Variants in MPHOSPH6 observed in about 807,000 individuals in gnomAD.
The protein encoded by MPHOSPH6 is M-phase phosphoprotein 6.
In MPHOSPH6, 25 loss-of-function variants were observed where a neutral mutation model predicts 21.8. The observed-to-expected ratio is 1.15, with a 90% confidence interval of 0.83 to 1.60. The LOEUF (loss-of-function observed/expected upper bound fraction) is 1.60, where lower values mean the gene tolerates loss of function less well. MPHOSPH6 is among the 40% of genes most tolerant of loss of function. The pLI, the probability that MPHOSPH6 is intolerant of heterozygous loss-of-function variation, is 0.00. For missense variants in MPHOSPH6, 269 were observed against 181.8 expected, an observed-to-expected ratio of 1.48 and a Z score of -2.76; for synonymous variants, 84 against 56.5, an observed-to-expected ratio of 1.49 and a Z score of -2.18.
chr16:82,148,546 A>C lies in MPHOSPH6; in HGVS notation c.*185T>G. ...TAAAAATCCACTCTGAATGAATACC[A>C]AGAAGCAAAGGATGTACAACATCCA... On this transcript the variant is annotated 3_prime_UTR_variant, in exon 5 of 5. Transcript: ENST00000258169. The C allele has an allele frequency of 1.5e-6, 1 of 677,406 alleles. No homozygotes were observed. Among genetic ancestry groups the C allele is most frequent in the East Asian group, 2.9e-5 (1 of 33,976 alleles). 42.0% of individuals were successfully genotyped at this position (677,406 alleles called of 1,614,324 possible).
At chr16:82,149,230 T>C in intron 4 of MPHOSPH6, 79 bp downstream of exon 4, 3 of 1,424,298 alleles carry the variant, frequency 2.1e-6, no homozygotes, top group Non-Finnish European at 3.0e-6. Flanking sequence ...TGCCGTGCAC[T>C]GTGGGGTAAG....
chr16:82,151,071 T>C (rs1597158933), intron 3 of MPHOSPH6: 1 of 165,294 alleles, frequency 6.0e-6, no homozygotes, highest in East Asian at 1.7e-4. Flanking sequence ...TAAAGTAACA[T>C]TTTTCCGTTA....
chr16:82,156,769 T>A (rs182236719), intron 2 of MPHOSPH6, among the ~76,000 whole-genome samples: 2 of 152,274 alleles, frequency 1.3e-5, no homozygotes, highest in Admixed American at 1.3e-4. Flanking sequence ...GCTTTATCCA[T>A]AAGCGTAAAA....
At chr16:82,156,212 G>T (rs1336038653) in intron 2 of MPHOSPH6, among the ~76,000 whole-genome samples, 1 of 152,066 alleles carries the variant, frequency 6.6e-6, no homozygotes, top group Admixed American at 6.5e-5. Flanking sequence ...CAAAGAACTT[G>T]TATTCAGAAC....
intron 2 of MPHOSPH6, among the ~76,000 whole-genome samples, chr16:82,152,427 G>T (rs76147240): frequency 0.14 from 21,354 of 152,098 alleles, 2,209 homozygotes; most frequent in Admixed American, 0.34. Flanking sequence ...GACTTCAGCA[G>T]AGAAGGAATT....
chr16:82,159,845 A>T (rs1906551976), intron 2 of MPHOSPH6, among the ~76,000 whole-genome samples: 1 of 152,180 alleles, frequency 6.6e-6, no homozygotes, highest in South Asian at 2.1e-4. Flanking sequence ...CCTCTCCCTG[A>T]GGGAATCTAA....
At chr16:82,149,728 A>G (rs949378579) in intron 3 of MPHOSPH6, among the ~76,000 whole-genome samples, 2 of 152,206 alleles carry the variant, frequency 1.3e-5, no homozygotes, top group Admixed American at 1.3e-4. Flanking sequence ...AAGAAATAAT[A>G]AACTTTCAGA....
chr16:82,150,695 T>G (rs540520337), intron 3 of MPHOSPH6, among the ~76,000 whole-genome samples: 12 of 152,328 alleles, frequency 7.9e-5, no homozygotes, highest in Non-Finnish European at 8.8e-5. Flanking sequence ...GACAGGGATG[T>G]GGTTCGTCAT....
intron 2 of MPHOSPH6, among the ~76,000 whole-genome samples, chr16:82,152,221 T>G (rs1329960390): frequency 6.6e-6 from 1 of 152,112 alleles, no homozygotes; most frequent in Non-Finnish European, 1.5e-5. Flanking sequence ...TTCAAAAAAT[T>G]TCAATAGTTT....
chr16:82,152,648 G>C (rs1906302448), intron 2 of MPHOSPH6, among the ~76,000 whole-genome samples: 1 of 152,122 alleles, frequency 6.6e-6, no homozygotes, highest in African/African-American at 2.4e-5. Context: ...AATGACCCTA[G>C]GAAAACCACT....
intron 1 of MPHOSPH6, among the ~76,000 whole-genome samples, chr16:82,166,274 A>G (rs1906776537): frequency 6.6e-6 from 1 of 152,258 alleles, no homozygotes; most frequent in Admixed American, 6.5e-5. Flanking sequence ...TGCAGTCGTC[A>G]TCCATTTTAC....
At chr16:82,156,648 T>C (rs535940616) in intron 2 of MPHOSPH6, among the ~76,000 whole-genome samples, 1 of 152,250 alleles carries the variant, frequency 6.6e-6, no homozygotes, top group Admixed American at 6.5e-5. Context: ...TTAGTGAAAG[T>C]GTAAAATCAT....
At chr16:82,158,535 A>G (rs1261691805) in intron 2 of MPHOSPH6, among the ~76,000 whole-genome samples, 1 of 151,164 alleles carries the variant, frequency 6.6e-6, no homozygotes, top group Non-Finnish European at 1.5e-5. Context: ...ATACTTCATC[A>G]TAGTCAAATA....
At position 82,150,028 on chromosome 16, in the gene MPHOSPH6, T is replaced by C. The variant is rs552554093; in HGVS notation, c.256-625A>G. Among the ~76,000 whole-genome samples the C allele has an allele frequency of 2.6e-5, 4 of 151,824 alleles. No homozygotes were observed. In the South Asian group the frequency reaches 8.3e-4, roughly 32 times the overall value. ...ATCCTCTGACCTTTTTTTTTTTAAA[T>C]GTGTAATCTCTTCTTTTTAGCAAGA... On this transcript the variant is annotated intron_variant, in intron 3 of 4. Coordinates refer to ENST00000258169, the MANE Select transcript of MPHOSPH6 (RefSeq NM_005792.2).
intron 2 of MPHOSPH6, among the ~76,000 whole-genome samples, chr16:82,161,290 G>C (rs1210003824): frequency 6.6e-6 from 1 of 152,132 alleles, no homozygotes; most frequent in African/African-American, 2.4e-5. Flanking sequence ...CTACATCTCA[G>C]ACCCAGAAGG....
chr16:82,163,380 C>A (rs776204969), intron 2 of MPHOSPH6, among the ~76,000 whole-genome samples: 1 of 152,180 alleles, frequency 6.6e-6, no homozygotes, highest in Non-Finnish European at 1.5e-5. Context: ...AAATCCAACA[C>A]TCCTTCATTC....
intron 2 of MPHOSPH6, among the ~76,000 whole-genome samples, chr16:82,161,612 A>G (rs1906610437): frequency 6.6e-6 from 1 of 152,238 alleles, no homozygotes; most frequent in Non-Finnish European, 1.5e-5. Context: ...AGACAGACAT[A>G]TATGCAGAAA....
chr16:82,162,823 G>A (rs900879250), intron 2 of MPHOSPH6, among the ~76,000 whole-genome samples: 2 of 152,190 alleles, frequency 1.3e-5, no homozygotes, highest in African/African-American at 4.8e-5. Flanking sequence ...AGAAAGAAAT[G>A]TAAAGGTCAT....
chr16:82,155,052 C>T (rs2967327), intron 2 of MPHOSPH6, among the ~76,000 whole-genome samples: 93,126 of 152,018 alleles, frequency 0.61, 28,961 homozygotes, highest in African/African-American at 0.66. Context: ...CAAGGCTGTT[C>T]TGATATTCAA....
Sources: gnomAD v4.1 joint callset for allele counts (sites outside exome capture counted in the v4.1 genomes callset) on GRCh38, gnomAD v4.1.1 for gene constraint, MANE v1.5 for transcripts, NCBI Gene and HGNC (gene_info 2026-07-23, HGNC 2026-07-21) for gene names.